EFHC2: variants seen among roughly 807,000 people sequenced by gnomAD.
EFHC2 encodes the protein EF-hand domain-containing family member C2.
In EFHC2, 18 loss-of-function variants were observed where a neutral mutation model predicts 52.7. The observed-to-expected ratio is 0.34, with a 90% CI of 0.24 to 0.51. The LOEUF (loss-of-function observed/expected upper bound fraction) is 0.51, where lower values mean the gene tolerates loss of function less well. Among genes scored for constraint, EFHC2 ranks in the 20% least tolerant of loss-of-function variants. The probability of loss-of-function intolerance (pLI) is 0.97; values close to 1 mark genes in which losing one functional copy is unlikely to be tolerated. For missense variants in EFHC2, 513 were observed against 562.5 expected (o/e 0.91, Z 0.89); for synonymous variants, 203 against 204.1 (o/e 0.99, Z 0.04).
rs1225772973 is a variant in EFHC2, at chrX:44,261,276, C to T, written c.405G>A (p.Arg135=). ...CCTCATCAGGAGGCGGAAGAGTAAT[C>T]CGATGACGCCGGATAGAAGTCCCTA... ...LLQGTSIRRH[R]ITLPPPDEDQ... is the part of the protein sequence containing the mutation. Residue 135 remains arginine, a synonymous_variant, in exon 4 of 15, where the codon CGG becomes CGA. Transcript: ENST00000420999. The T allele has an allele frequency of 1.7e-6, 2 of 1,191,177 alleles. No homozygotes were observed. Among genetic ancestry groups the T allele is most frequent in the Admixed American group, 4.5e-5 (2 of 44,501 alleles).
At chrX:44,170,011 G>T (rs888224782) in intron 13 of EFHC2, among the ~76,000 whole-genome samples, 6 of 111,626 alleles carry the variant, frequency 5.4e-5, no homozygotes, top group South Asian at 3.8e-4. Context: ...AATGGGTCTG[G>T]GGGGTGGAGA....
intron 1 of EFHC2, among the ~76,000 whole-genome samples, chrX:44,332,068 A>T (rs1049146404): frequency 3.6e-5 from 4 of 110,824 alleles, no homozygotes; most frequent in Non-Finnish European, 7.6e-5. Context: ...TAAAAAAAAA[A>T]GGAAAGAGAA....
intron 8 of EFHC2, among the ~76,000 whole-genome samples, chrX:44,238,207 A>G (rs1362000623): frequency 2.7e-5 from 3 of 110,602 alleles, no homozygotes; most frequent in Non-Finnish European, 5.7e-5. Flanking sequence ...AGTCATCTTA[A>G]CTCCTCACTT....
chrX:44,274,716 C>A lies in EFHC2; in HGVS notation c.232-1880G>T, dbSNP rs772503747. On this transcript the variant is annotated intron_variant, in intron 2 of 14. Coordinates refer to ENST00000420999, the MANE Select transcript of EFHC2 (RefSeq NM_025184.4). ...CCAGCCTGGGCAACATAATGAGACC[C>A]CGTTTTTACAAAAAAAAATTTAAAA... Among the ~76,000 whole-genome samples, 37 of 110,154 alleles carry A rather than the reference C, an allele frequency of 3.4e-4. No homozygotes were observed. In the Admixed American group the frequency reaches 3.4e-3, roughly 10 times the overall value.
intron 11 of EFHC2, among the ~76,000 whole-genome samples, chrX:44,218,836 T>C (rs1371271447): frequency 1.8e-5 from 2 of 111,951 alleles, no homozygotes; most frequent in East Asian, 2.8e-4. Flanking sequence ...ATTCCATTCC[T>C]AGGTATAACC....
intron 13 of EFHC2, among the ~76,000 whole-genome samples, chrX:44,175,985 A>T (rs1180114560): frequency 8.9e-6 from 1 of 112,154 alleles, no homozygotes; most frequent in African/African-American, 3.2e-5. Flanking sequence ...CCTGCCCTGA[A>T]TTTTACATCT....
In EFHC2 at chrX:44,177,936, A is replaced by C. The variant is rs1451598604; in HGVS notation, c.1949+431T>G. ...TCCGTCAACAAGACTAGCCTGGCCA[A>C]CATGGTGAAACCCTGTCTCTACTAA... On this transcript the variant is annotated intron_variant, in intron 12 of 14. Coordinates refer to ENST00000420999, the MANE Select transcript of EFHC2 (RefSeq NM_025184.4). Among the ~76,000 whole-genome samples, 3 of 108,781 alleles carry C rather than the reference A, an allele frequency of 2.8e-5. No homozygotes were observed. In the Admixed American group the frequency reaches 3.0e-4, roughly 11 times the overall value. 94.5% of individuals were successfully genotyped at this position (108,781 alleles called of 115,157 possible).
At chrX:44,240,670 C>T (rs1379732378) in intron 8 of EFHC2, among the ~76,000 whole-genome samples, 2 of 111,316 alleles carry the variant, frequency 1.8e-5, no homozygotes, top group Non-Finnish European at 3.8e-5. Flanking sequence ...GCTGGCAACC[C>T]TCTTATGTGA....
intron 1 of EFHC2, among the ~76,000 whole-genome samples, chrX:44,329,853 A>C (rs768132582): frequency 9.2e-6 from 1 of 108,704 alleles, no homozygotes; most frequent in Non-Finnish European, 1.9e-5. Flanking sequence ...CAATCCTCCC[A>C]CCTCAGCCTC....
chrX:44,250,596 G>A (rs1329070629), intron 4 of EFHC2, among the ~76,000 whole-genome samples, 151 bp from the exon 5 acceptor site: 2 of 107,061 alleles, frequency 1.9e-5, no homozygotes, highest in Non-Finnish European at 3.9e-5. Context: ...AGGCCAAGGC[G>A]GGAAGACTGC....
intron 13 of EFHC2, among the ~76,000 whole-genome samples, chrX:44,172,576 C>T (rs1349604840): frequency 6.3e-5 from 7 of 111,682 alleles, no homozygotes; most frequent in African/African-American, 1.3e-4. Flanking sequence ...CAAAAATGAA[C>T]GAGATCTAGT....
At chrX:44,222,339 T>C (rs901093619) in intron 11 of EFHC2, among the ~76,000 whole-genome samples, 3 of 111,875 alleles carry the variant, frequency 2.7e-5, no homozygotes, top group African/African-American at 9.7e-5. Context: ...ATTGTTGCCA[T>C]AGAGAAATGT....
intron 10 of EFHC2, 120 bp from the exon 11 acceptor site, chrX:44,229,899 C>T: frequency 1.3e-6 from 1 of 741,735 alleles, no homozygotes; most frequent in Non-Finnish European, 1.9e-6. Flanking sequence ...GCAGATTTGT[C>T]TTTGCAAAGA....
At chrX:44,189,014 G>A (rs767928156) in intron 11 of EFHC2, among the ~76,000 whole-genome samples, 5 of 108,066 alleles carry the variant, frequency 4.6e-5, no homozygotes, top group South Asian at 8.4e-4. Flanking sequence ...CAGATACTTC[G>A]GAGGCTGAGG....
intron 2 of EFHC2, among the ~76,000 whole-genome samples, chrX:44,308,159 TA>T (rs2037919625): frequency 9.0e-6 from 1 of 111,265 alleles, no homozygotes; most frequent in Non-Finnish European, 1.9e-5. Context: ...ATAGTAAATA[TA>T]AATGAATTAA....
chrX:44,245,726 T>C (rs946023098), intron 7 of EFHC2, among the ~76,000 whole-genome samples: 2 of 112,374 alleles, frequency 1.8e-5, no homozygotes, highest in African/African-American at 6.5e-5. Context: ...CAAATGTCTC[T>C]TGGAATTTTA....
intron 2 of EFHC2, among the ~76,000 whole-genome samples, chrX:44,306,771 T>A (rs745522367): frequency 8.9e-6 from 1 of 111,997 alleles, no homozygotes; most frequent in African/African-American, 3.2e-5. Context: ...TGGGGTTCCA[T>A]AGAGGCAGAG....
intron 1 of EFHC2, among the ~76,000 whole-genome samples, chrX:44,333,298 A>G (rs1467534614): frequency 1.8e-5 from 2 of 111,304 alleles, no homozygotes; most frequent in Non-Finnish European, 3.8e-5. Flanking sequence ...GGCTTTAATG[A>G]GGAGGGGGGA....
intron 11 of EFHC2, among the ~76,000 whole-genome samples, chrX:44,213,290 A>T (rs903878511): frequency 1.8e-5 from 2 of 111,212 alleles, no homozygotes; most frequent in Non-Finnish European, 3.8e-5. Flanking sequence ...TCAAAAAGAA[A>T]TGCTAGCAAT....
Sources: gnomAD v4.1 joint callset for allele counts (sites outside exome capture counted in the v4.1 genomes callset) on GRCh38, gnomAD v4.1.1 for gene constraint, MANE v1.5 for transcripts, NCBI Gene and HGNC (gene_info 2026-07-23, HGNC 2026-07-21) for gene names.